The following PIK3CD variants were observed in gnomAD, a reference collection of about 807,000 sequenced individuals.
PIK3CD encodes the protein phosphatidylinositol-4,5-bisphosphate 3-kinase catalytic subunit delta, also known as phosphatidylinositol 4,5-bisphosphate 3-kinase catalytic subunit delta isoform.
In PIK3CD, 20 loss-of-function variants were observed where a neutral mutation model predicts 122.9. That is an observed-to-expected ratio of 0.16 (90% confidence interval 0.11 to 0.24). The LOEUF (loss-of-function observed/expected upper bound fraction) is 0.24, where lower values mean the gene tolerates loss of function less well. Among genes scored for constraint, PIK3CD ranks in the 10% least tolerant of loss-of-function variants. PIK3CD has a pLI of 1.00. For synonymous variants in PIK3CD, 596 were observed against 593.4 expected (o/e 1.00, Z -0.06); for missense variants, 787 against 1,406.3 (o/e 0.56, Z 7.04).
intron 1 of PIK3CD, among the ~76,000 whole-genome samples, chr1:9,674,984 C>T (rs1368156899): frequency 1.3e-4 from 17 of 133,430 alleles, no homozygotes; most frequent in African/African-American, 4.6e-4. Flanking sequence ...TGCAGCGAGC[C>T]GAGATTGCAC....
At position 9,724,343 on chromosome 1, in the gene PIK3CD, G is replaced by A. The variant is rs773911101; in HGVS notation, c.2786G>A (p.Arg929His). The change falls in exon 22 of 24, where the codon CGT (arginine) becomes CAT (histidine). Residue 929 changes from arginine (R) to histidine (H), a missense_variant. Transcript: ENST00000377346. The surrounding 1 kb of genome is among the most constrained non-coding windows in gnomAD (Gnocchi z 7.3). ...ACCAAGTTTGGAATCAACCGCGAGC[G>A]TGTCCCATTCATCCTCACCTACGAC... ...FKTKFGINRE[R>H]VPFILTYDFV... is the part of the protein sequence containing the mutation. The A allele has an allele frequency of 1.2e-6, 2 of 1,613,976 alleles. No homozygotes were observed. The highest frequency in any genetic ancestry group is 1.7e-6 in the Non-Finnish European group (2 of 1,179,990).
At position 9,710,314 on chromosome 1, in the gene PIK3CD, C is replaced by T; in HGVS notation, c.-32-110C>T. On this transcript the variant is annotated intron_variant, in intron 2 of 23. Coordinates refer to ENST00000377346, the MANE Select transcript of PIK3CD (RefSeq NM_005026.5). The surrounding 1 kb of genome is among the most constrained non-coding windows in gnomAD (Gnocchi z 4.7). Reference sequence around the variant, plus strand: ...TTTGTACCCGCAGGTCGGGAACTCACTCCTGAGCTTCCTGCTGTCCAAGGA... The same window carrying T: ...TTTGTACCCGCAGGTCGGGAACTCATTCCTGAGCTTCCTGCTGTCCAAGGA... 1 of 905,790 alleles carries T rather than the reference C, an allele frequency of 1.1e-6. No individual in the cohort carries two copies. The highest frequency in any genetic ancestry group is 1.3e-5 in the South Asian group (1 of 75,760). 56.1% of individuals were successfully genotyped at this position (905,790 alleles called of 1,614,324 possible).
Position 9,718,638 on chromosome 1 carries a change from A to C in PIK3CD, c.1021-56A>C. ...GGGGGAGACTGACACCTTAAGGGGG[A>C]GGGGAGAGGGGCTGGGCCTCTGCCT... On this transcript the variant is annotated intron_variant, in intron 8 of 23. Coordinates refer to ENST00000377346, the MANE Select transcript of PIK3CD (RefSeq NM_005026.5). The surrounding 1 kb of genome is among the most constrained non-coding windows in gnomAD (Gnocchi z 7.2). The C allele has an allele frequency of 1.4e-6, 2 of 1,475,488 alleles. No individual in the cohort carries two copies. The highest frequency in any genetic ancestry group is 2.0e-4 in the Middle Eastern group (1 of 5,086). The allele number at this position is 1,475,488 out of a possible 1,614,324, so 91.4% of individuals were successfully genotyped here.
At chr1:9,629,802 CT>C in the PIK3CD span, among the ~76,000 whole-genome samples, 15 of 152,230 alleles carry the variant, frequency 9.9e-5, no homozygotes, top group Non-Finnish European at 1.6e-4. Flanking sequence ...GGGACCGCCC[CT>C]GAGCACTTCC....
rs1322371925 is a variant in PIK3CD, at chr1:9,720,474, C to G, written c.1471-137C>G. 3 of 1,487,226 alleles carry G rather than the reference C, an allele frequency of 2.0e-6. No homozygotes were observed. The highest frequency in any genetic ancestry group is 2.7e-6 in the Non-Finnish European group (3 of 1,105,612). The allele number at this position is 1,487,226 out of a possible 1,614,324, so 92.1% of individuals were successfully genotyped here. A position where few individuals can be genotyped will look rare whatever the true frequency, so the allele number is the denominator to read the frequency against. On this transcript the variant is annotated intron_variant, in intron 11 of 23. Transcript: ENST00000377346. This position sits in a 1 kb window ranked among gnomAD's most constrained non-coding sequence, Gnocchi z 9.0. ...CTCTTGGCATCTCGTGAGTGGAGGC[C>G]AGAGCTGCTGTGGATGCGCCTCCAT...
At chr1:9,654,472 C>A (rs769664112) in intron 1 of PIK3CD, 2 of 746,890 alleles carry the variant, frequency 2.7e-6, no homozygotes, top group Non-Finnish European at 3.5e-6. Context: ...GACAGTCCAC[C>A]AATGGTTGTG....
intron 5 of PIK3CD, 86 bp from the exon 6 acceptor site, chr1:9,716,354 T>C (rs1647437481): frequency 7.5e-7 from 1 of 1,337,578 alleles, no homozygotes; most frequent in South Asian, 1.2e-5. Flanking sequence ...GACCCTACCC[T>C]TGGGGGCAAA....
In PIK3CD at chr1:9,689,721, G is replaced by C. The variant is rs1400157480; in HGVS notation, c.-137-1746G>C. Among the ~76,000 whole-genome samples the C allele has an allele frequency of 6.6e-6, 1 of 151,496 alleles. No homozygotes were observed. Among genetic ancestry groups the C allele is most frequent in the Non-Finnish European group, 1.5e-5 (1 of 67,752 alleles). The stretch of plus-strand genomic sequence containing the variant: ...GGCCCCGCCCCCGGCAGCGACACCC[G>C]GTACGGAGCCCACCTGTGCGGGCGT... On this transcript the variant is annotated intron_variant, in intron 1 of 23. Transcript: ENST00000377346. The surrounding 1 kb of genome is among the most constrained non-coding windows in gnomAD (Gnocchi z 6.1).
At chr1:9,678,068 C>T (rs553615567) in intron 1 of PIK3CD, among the ~76,000 whole-genome samples, 6 of 150,906 alleles carry the variant, frequency 4.0e-5, no homozygotes, top group Admixed American at 2.0e-4. Flanking sequence ...CACTTGAGCC[C>T]GGGAGGCGGA....
chr1:9,654,985 T>G (rs1644803200), intron 1 of PIK3CD, among the ~76,000 whole-genome samples: 1 of 151,166 alleles, frequency 6.6e-6, no homozygotes, highest in Admixed American at 6.6e-5. Flanking sequence ...GAGAATCGCT[T>G]CAATCCGGGA....
the PIK3CD span, among the ~76,000 whole-genome samples, chr1:9,630,042 T>C: frequency 6.6e-6 from 1 of 152,064 alleles, no homozygotes; most frequent in African/African-American, 2.4e-5. Context: ...CAGCTCAGAG[T>C]AGCTGAGGAT....
rs1646100417 is a variant in PIK3CD at position 9,689,394 on chromosome 1, GGGC to G, written c.-137-2071_-137-2069del. On this transcript the variant is annotated intron_variant, in intron 1 of 23. Transcript: ENST00000377346. This position sits in a 1 kb window ranked among gnomAD's most constrained non-coding sequence, Gnocchi z 6.1. The stretch of plus-strand genomic sequence containing the variant: ...CTCTCTCCGCCGCCCGTGTGAGCTC[GGGC>G]GCTTCTCCCGGCTGGGGGTGTGAGA... Among the ~76,000 whole-genome samples the G allele has an allele frequency of 6.6e-6, 1 of 151,700 alleles. No homozygotes were observed. The highest frequency in any genetic ancestry group is 1.5e-5 in the Non-Finnish European group (1 of 67,860).
intron 1 of PIK3CD, among the ~76,000 whole-genome samples, chr1:9,668,958 G>C (rs1645242557): frequency 6.6e-6 from 1 of 152,068 alleles, no homozygotes; most frequent in Non-Finnish European, 1.5e-5. Flanking sequence ...GGAAATGGGG[G>C]CTAAGGACTC....
In PIK3CD at chr1:9,721,423, C is replaced by T. The variant is rs762990789; in HGVS notation, c.1812-21C>T. On this transcript the variant is annotated intron_variant, in intron 14 of 23. Transcript: ENST00000377346. ...TCCTGAGTCGGGGAGCTCCAGGCCC[C>T]AGCGCCTTCCTTCCCTGCAGGGACG... 5.6e-6 allele frequency: 9 copies of T among 1,612,660 alleles called. No individual in the cohort carries two copies. In the Admixed American group the frequency reaches 1.2e-4, roughly 21 times the overall value.
At chr1:9,667,915 T>G (rs956446007) in intron 1 of PIK3CD, among the ~76,000 whole-genome samples, 25 of 145,710 alleles carry the variant, frequency 1.7e-4, no homozygotes, top group East Asian at 5.9e-4. Flanking sequence ...TTTGTTTTTT[T>G]TTTTTTTTTT....
intron 1 of PIK3CD, among the ~76,000 whole-genome samples, chr1:9,686,286 C>A (rs71643066): frequency 1.3e-5 from 2 of 152,002 alleles, no homozygotes; most frequent in Admixed American, 1.3e-4. Context: ...CCGCAGACTT[C>A]TGGGCCAAGC....
rs111651795 is a variant in PIK3CD at position 9,693,690 on chromosome 1, TA to T, written c.-33+2131del. On this transcript the variant is annotated intron_variant, in intron 2 of 23. Coordinates refer to ENST00000377346, the MANE Select transcript of PIK3CD (RefSeq NM_005026.5). Reference sequence around the variant, plus strand: ...AGGAATAAGAAAAAATGTAAATTCTTAAAAAAAAAAAACTAGAAAAGTAAAT... The same window carrying T: ...AGGAATAAGAAAAAATGTAAATTCTTAAAAAAAAAAACTAGAAAAGTAAAT... 9.2e-4 allele frequency among the ~76,000 whole-genome samples: 133 copies of T among 145,262 alleles called. No individual in the cohort carries two copies. In the Middle Eastern group the frequency reaches 0.01, roughly 11 times the overall value.
At position 9,724,483 on chromosome 1, in the gene PIK3CD, G is replaced by C. The variant is rs993467392; in HGVS notation, c.2864+62G>C. The C allele has an allele frequency of 6.3e-7, 1 of 1,586,318 alleles. No individual in the cohort carries two copies. The highest frequency in any genetic ancestry group is 1.3e-5 in the African/African-American group (1 of 74,364). The stretch of plus-strand genomic sequence containing the variant: ...GTGGGGCCCCAGGGAACAGGGCAGA[G>C]GTTCCCAGGCAGGGTGCAGGATGGG... On this transcript the variant is annotated intron_variant, in intron 22 of 23. Transcript: ENST00000377346. This position sits in a 1 kb window ranked among gnomAD's most constrained non-coding sequence, Gnocchi z 7.3.
In PIK3CD at chr1:9,715,813, G is replaced by GCCCGACCCGCTGACCCAGCCCT. The variant is rs768039503; in HGVS notation, c.371-33_371-32insGACCCGCTGACCCAGCCCTCCC. On this transcript the variant is annotated intron_variant, in intron 4 of 23. Coordinates refer to ENST00000377346, the MANE Select transcript of PIK3CD (RefSeq NM_005026.5). The surrounding 1 kb of genome is among the most constrained non-coding windows in gnomAD (Gnocchi z 4.1). Reference sequence around the variant, plus strand: ...CCGTGTGGCCGGGCTGGCCCTGCCTGCCCCACCCGCTGACCCAGCCCTCCC... The same window carrying GCCCGACCCGCTGACCCAGCCCT: ...CCGTGTGGCCGGGCTGGCCCTGCCTGCCCGACCCGCTGACCCAGCCCTCCCCACCCGCTGACCCAGCCCTCCC... 6.2e-7 allele frequency: 1 copy of GCCCGACCCGCTGACCCAGCCCT among 1,611,314 alleles called. No homozygotes were observed. Among genetic ancestry groups the GCCCGACCCGCTGACCCAGCCCT allele is most frequent in the South Asian group, 1.1e-5 (1 of 90,998 alleles).
Sources: gnomAD v4.1 joint callset for allele counts (sites outside exome capture counted in the v4.1 genomes callset) on GRCh38, gnomAD v4.1.1 for gene constraint, Gnocchi (gnomAD v3.1) non-coding constraint, MANE v1.5 for transcripts, NCBI Gene and HGNC (gene_info 2026-07-23, HGNC 2026-07-21) for gene names.